The following LUZP2 variants were observed in gnomAD, a reference collection of about 807,000 sequenced individuals.
The protein encoded by LUZP2 is leucine zipper protein 2.
In LUZP2, 52 loss-of-function variants were observed where a neutral mutation model predicts 51.6. The ratio of observed to expected loss-of-function variants is 1.01; its 90% CI spans 0.81 to 1.27. LUZP2 has a LOEUF of 1.27. Among genes scored for constraint, LUZP2 ranks in the 50% most tolerant of loss-of-function variants. The pLI is 0.00. For missense variants in LUZP2, 436 were observed against 395.4 expected, an observed-to-expected ratio of 1.10 and a Z score of -0.87; for synonymous variants, 154 against 137.3, an observed-to-expected ratio of 1.12 and a Z score of -0.85.
intron 5 of LUZP2, among the ~76,000 whole-genome samples, chr11:24,783,240 T>C (rs1328005255): frequency 6.6e-6 from 1 of 152,030 alleles, no homozygotes; most frequent in East Asian, 1.9e-4. Context: ...TTAAGTTGGA[T>C]GTTACAGCTC....
intron 1 of LUZP2, among the ~76,000 whole-genome samples, chr11:24,587,904 G>A (rs912020752): frequency 6.6e-6 from 1 of 151,978 alleles, no homozygotes; most frequent in South Asian, 2.1e-4. Flanking sequence ...ATGGATGCTG[G>A]ACATTATAGA....
At chr11:24,557,296 A>T (rs1379633283) in intron 1 of LUZP2, among the ~76,000 whole-genome samples, 2 of 147,468 alleles carry the variant, frequency 1.4e-5, no homozygotes, top group Non-Finnish European at 3.1e-5. Context: ...TTAATATGTA[A>T]TAGAGATGTC....
intron 1 of LUZP2, among the ~76,000 whole-genome samples, chr11:24,714,492 T>C (rs1012090242): frequency 2.0e-5 from 3 of 151,932 alleles, no homozygotes; most frequent in African/African-American, 7.3e-5. Context: ...TGGCACGGAG[T>C]AATATTAAAC....
intron 9 of LUZP2, among the ~76,000 whole-genome samples, chr11:25,027,625 A>C (rs561628683): frequency 6.6e-6 from 1 of 152,262 alleles, no homozygotes; most frequent in African/African-American, 2.4e-5. Context: ...TAATCCCAGC[A>C]CTTTGGGAGG....
chr11:24,939,781 G>A (rs1285597617), intron 7 of LUZP2, among the ~76,000 whole-genome samples: 1 of 152,008 alleles, frequency 6.6e-6, no homozygotes, highest in Non-Finnish European at 1.5e-5. Context: ...ATATTAACAA[G>A]GTTTGGAAAA....
At chr11:24,737,881 G>T (rs938683321) in intron 3 of LUZP2, among the ~76,000 whole-genome samples, 18 of 152,012 alleles carry the variant, frequency 1.2e-4, no homozygotes, top group African/African-American at 3.4e-4. Context: ...TCATACCCCA[G>T]TATGCTGTTA....
intron 4 of LUZP2, among the ~76,000 whole-genome samples, chr11:24,752,074 A>T (rs752509446): frequency 3.9e-5 from 6 of 152,156 alleles, no homozygotes; most frequent in Non-Finnish European, 5.9e-5. Context: ...CTGAGATAGA[A>T]AATATAAAAT....
chr11:24,556,254 T>C (rs1851866368), intron 1 of LUZP2, among the ~76,000 whole-genome samples: 1 of 152,190 alleles, frequency 6.6e-6, no homozygotes, highest in African/African-American at 2.4e-5. Context: ...CGTTGAAAGT[T>C]TTGTGAAGAA....
Position 24,763,250 on chromosome 11 carries a change from AT to A in LUZP2, c.344del (p.Leu115Ter). 7.3e-7 allele frequency: 1 copy of A among 1,375,986 alleles called. No individual in the cohort carries two copies. Among genetic ancestry groups the A allele is most frequent in the Non-Finnish European group, 9.7e-7 (1 of 1,032,786 alleles). The allele number at this position is 1,375,986 out of a possible 1,614,324, so 85.2% of individuals were successfully genotyped here. A position where few individuals can be genotyped will look rare whatever the true frequency, so the allele number is the denominator to read the frequency against. On this transcript the variant is annotated frameshift_variant, in exon 5 of 12. Transcript: ENST00000336930. LOFTEE classifies it high-confidence loss of function. ...EKAEKHQATINFLKTEVERKS... is the reference protein window; with the variant it reads ...EKAEKHQATIXFLKTEVERKS... ...TAATAGTCTATTCATTTTCAGATTA[AT>A]TTTTTAAAGACTGAAGTTGAAAGAA...
chr11:24,590,438 C>A (rs1853219645), intron 1 of LUZP2, among the ~76,000 whole-genome samples: 1 of 152,170 alleles, frequency 6.6e-6, no homozygotes, highest in African/African-American at 2.4e-5. Context: ...AAAAGCCTCT[C>A]TGCTAGCAAT....
intron 1 of LUZP2, among the ~76,000 whole-genome samples, chr11:24,583,300 T>G (rs1038948778): frequency 2.0e-5 from 3 of 152,110 alleles, no homozygotes; most frequent in African/African-American, 7.2e-5. Context: ...TCTTAACCAG[T>G]TTGCCAGCAA....
intron 9 of LUZP2, among the ~76,000 whole-genome samples, chr11:24,983,561 T>C (rs545991512): frequency 6.6e-6 from 1 of 151,710 alleles, no homozygotes; most frequent in Non-Finnish European, 1.5e-5. Flanking sequence ...ACTAATAATG[T>C]TGGAATAAGT....
intron 1 of LUZP2, among the ~76,000 whole-genome samples, chr11:24,543,797 G>C (rs1469957160): frequency 8.1e-6 from 1 of 124,002 alleles, no homozygotes; most frequent in Non-Finnish European, 1.6e-5. Flanking sequence ...ACTCCAGCCT[G>C]GGTGACAGAC....
intron 1 of LUZP2, among the ~76,000 whole-genome samples, chr11:24,634,581 T>C (rs1855010755): frequency 6.6e-6 from 1 of 151,994 alleles, no homozygotes; most frequent in Non-Finnish European, 1.5e-5. Context: ...GTTCTCCTAG[T>C]GTTTTGCATT....
At chr11:24,646,990 T>A (rs2133955273) in intron 1 of LUZP2, among the ~76,000 whole-genome samples, 1 of 152,174 alleles carries the variant, frequency 6.6e-6, no homozygotes, top group Admixed American at 6.6e-5. Context: ...AGACCTTGAA[T>A]TTTAAATTCA....
intron 1 of LUZP2, among the ~76,000 whole-genome samples, chr11:24,561,758 A>C (rs1349635420): frequency 2.6e-5 from 4 of 151,940 alleles, no homozygotes; most frequent in Non-Finnish European, 4.4e-5. Context: ...CCACCATGGC[A>C]CATGTATACC....
At chr11:24,648,917 C>G (rs1175903064) in intron 1 of LUZP2, among the ~76,000 whole-genome samples, 1 of 151,902 alleles carries the variant, frequency 6.6e-6, no homozygotes, top group Admixed American at 6.6e-5. Context: ...TTAATGACCC[C>G]TCTAAATATT....
At chr11:24,574,223 TC>T (rs1852544903) in intron 1 of LUZP2, among the ~76,000 whole-genome samples, 1 of 105,910 alleles carries the variant, frequency 9.4e-6, no homozygotes, top group South Asian at 2.9e-4. Context: ...TTTCTTTCTT[TC>T]TTTCTTTCTT....
intron 1 of LUZP2, among the ~76,000 whole-genome samples, chr11:24,627,985 C>A (rs1440091586): frequency 1.3e-5 from 2 of 151,916 alleles, no homozygotes; most frequent in Non-Finnish European, 2.9e-5. Flanking sequence ...CAAATTAGAC[C>A]CTGAAATATT....
Sources: gnomAD v4.1 joint callset for allele counts (sites outside exome capture counted in the v4.1 genomes callset) on GRCh38, gnomAD v4.1.1 for gene constraint, MANE v1.5 for transcripts, NCBI Gene and HGNC (gene_info 2026-07-23, HGNC 2026-07-21) for gene names.